Variants in GRIN3B observed in about 807,000 individuals in gnomAD.
The protein encoded by GRIN3B is glutamate receptor ionotropic, NMDA 3B.
A neutral mutation model predicts 66.0 loss-of-function variants in GRIN3B; 77 were observed. The observed-to-expected ratio is 1.17, with a 90% CI of 0.97 to 1.41. The LOEUF (loss-of-function observed/expected upper bound fraction) is 1.41, where lower values mean the gene tolerates loss of function less well. Ranked by LOEUF, GRIN3B falls within the 40% of genes most tolerant of loss-of-function variation. The pLI, the probability that GRIN3B is intolerant of heterozygous loss-of-function variation, is 0.00. For missense variants in GRIN3B, 1,787 were observed against 1,564.5 expected (o/e 1.14, Z -2.40); for synonymous variants, 823 against 749.7 (o/e 1.10, Z -1.60).
intron 1 of GRIN3B, among the ~76,000 whole-genome samples, chr19:1,002,447 C>T (rs1016512373): frequency 1.2e-4 from 16 of 130,730 alleles, no homozygotes; most frequent in Admixed American, 4.1e-4. Context: ...GCCTGGGAGA[C>T]AGAGCAAGAC....
intron 3 of GRIN3B, among the ~76,000 whole-genome samples, chr19:1,006,595 G>A (rs1043558137): frequency 1.3e-5 from 2 of 152,102 alleles, no homozygotes; most frequent in African/African-American, 2.4e-5. Flanking sequence ...GTGAGCCATC[G>A]TGCCCGGCCT....
In GRIN3B at chr19:1,005,852, G is replaced by C. The variant is rs937340691; in HGVS notation, c.2052+299G>C. ...CCCCATCTTTACTAAAAAATACAAAGAATTAGCTGAGCATGGTGGTGGGCA... is the reference window on the plus strand; with the variant it reads ...CCCCATCTTTACTAAAAAATACAAACAATTAGCTGAGCATGGTGGTGGGCA... On this transcript the variant is annotated intron_variant, in intron 3 of 8. Coordinates refer to ENST00000234389, the MANE Select transcript of GRIN3B (RefSeq NM_138690.3). The surrounding 1 kb of genome is among the most constrained non-coding windows in gnomAD (Gnocchi z 5.2). Among the ~76,000 whole-genome samples the C allele has an allele frequency of 6.6e-6, 1 of 151,836 alleles. No homozygotes were observed. The highest frequency in any genetic ancestry group is 2.4e-5 in the African/African-American group (1 of 41,352).
rs757745000 is a variant in GRIN3B, at chr19:1,009,408, C to T, written c.2938C>T (p.Pro980Ser). The change falls in exon 9 of 9, where the codon CCC becomes TCC. Residue 980 changes from proline (P) to serine (S), a missense_variant. Coordinates refer to ENST00000234389, the MANE Select transcript of GRIN3B (RefSeq NM_138690.3). ...PAARPTGAPQ[P>S]GELQELERRI... Reference sequence around the variant, plus strand: ...CGCAAGGCCCACGGGGGCCCCCCAGCCCGGGGAGCTGCAGGAGCTGGAGCG... The same window carrying T: ...CGCAAGGCCCACGGGGGCCCCCCAGTCCGGGGAGCTGCAGGAGCTGGAGCG... 3 of 1,434,074 alleles carry T rather than the reference C, an allele frequency of 2.1e-6. No homozygotes were observed. In the South Asian group the frequency reaches 4.1e-5, roughly 20 times the overall value. The allele number at this position is 1,434,074 out of a possible 1,614,324, so 88.8% of individuals were successfully genotyped here. A position where few individuals can be genotyped will look rare whatever the true frequency, so the allele number is the denominator to read the frequency against.
chr19:1,003,467 GC>G lies in GRIN3B; in HGVS notation c.769del (p.His257ThrfsTer100). ...ARRVLEAVPP[G>X]PHWLLGTPLP... The stretch of plus-strand genomic sequence containing the variant: ...CGGGTGCTGGAGGCCGTACCTCCCG[GC>G]CCCCACTGGCTGTTGGGGACACCAC... On this transcript the variant is annotated frameshift_variant, in exon 2 of 9. Coordinates refer to ENST00000234389, the MANE Select transcript of GRIN3B (RefSeq NM_138690.3). LOFTEE classifies it high-confidence loss of function. The G allele has an allele frequency of 1.3e-6, 2 of 1,537,972 alleles. No individual in the cohort carries two copies. The highest frequency in any genetic ancestry group is 8.7e-7 in the Non-Finnish European group (1 of 1,146,962).
Position 1,009,455 on chromosome 19 carries a change from G to C in GRIN3B, c.2985G>C (p.Glu995Asp). The C allele has an allele frequency of 6.8e-7, 1 of 1,475,440 alleles. No homozygotes were observed. The highest frequency in any genetic ancestry group is 8.9e-7 in the Non-Finnish European group (1 of 1,119,752). 91.4% of individuals were successfully genotyped at this position (1,475,440 alleles called of 1,614,324 possible). ...AGCGCCGCATCGAAGTCGCGCGTGA[G>C]CGGCTCCGCCAGGCCCTGGTGCGGC... ...ELERRIEVARERLRQALVRRG... is the reference protein window; with the variant it reads ...ELERRIEVARDRLRQALVRRG... Residue 995 changes from glutamate (E) to aspartate (D), a missense_variant, in exon 9 of 9, where the codon GAG becomes GAC. By Grantham distance (45) the Glu-to-Asp change is conservative. Coordinates refer to ENST00000234389, the MANE Select transcript of GRIN3B (RefSeq NM_138690.3).
Position 1,005,222 on chromosome 19 carries a change from A to C in GRIN3B, c.1721A>C (p.His574Pro). Residue 574 changes from histidine (H) to proline (P), a missense_variant, in exon 3 of 9, where the codon CAC becomes CCC. His to Pro is a moderately conservative substitution (Grantham distance 77). Coordinates refer to ENST00000234389, the MANE Select transcript of GRIN3B (RefSeq NM_138690.3). The surrounding 1 kb of genome is among the most constrained non-coding windows in gnomAD (Gnocchi z 5.2). ...SPIGAFMWPL[H>P]WSTWLGVFAA... ...ATCGGTGCCTTTATGTGGCCCCTGC[A>C]CTGGTCCACGTGGCTGGGCGTCTTT... 6.2e-7 allele frequency: 1 copy of C among 1,613,366 alleles called. No homozygotes were observed. The highest frequency in any genetic ancestry group is 1.1e-5 in the South Asian group (1 of 91,060).
At position 1,005,056 on chromosome 19, in the gene GRIN3B, G is replaced by GA. The variant is rs772661411; in HGVS notation, c.1556dup (p.Asp519GlufsTer81). The GA allele has an allele frequency of 6.2e-7, 1 of 1,611,568 alleles. No individual in the cohort carries two copies. The highest frequency in any genetic ancestry group is 8.5e-7 in the Non-Finnish European group (1 of 1,179,126). Reference sequence around the variant, plus strand: ...CGGCCGCTGGACCGGCCTGGTCGGGGACCTGCTGGCCGGCCGGGCCCACAT... The same window carrying GA: ...CGGCCGCTGGACCGGCCTGGTCGGGGAACCTGCTGGCCGGCCGGGCCCACAT... On this transcript the variant is annotated frameshift_variant, in exon 3 of 9. Transcript: ENST00000234389. LOFTEE classifies it high-confidence loss of function. This position sits in a 1 kb window ranked among gnomAD's most constrained non-coding sequence, Gnocchi z 5.2.
Position 1,008,702 on chromosome 19 carries a change from G to T in GRIN3B, c.2551G>T (p.Gly851Cys). ...GGGCAGCGCTCTGCTCAGCTCGCTGGGCGAGCACGCCTTCTTCCGCCTGGC... is the reference window on the plus strand; with the variant it reads ...GGGCAGCGCTCTGCTCAGCTCGCTGTGCGAGCACGCCTTCTTCCGCCTGGC... ...GLGSALLSSL[G>C]EHAFFRLALP... The change falls in exon 7 of 9, where the codon GGC (glycine) becomes TGC (cysteine). Residue 851 changes from glycine (G) to cysteine (C), a missense_variant. Transcript: ENST00000234389. 6.2e-7 allele frequency: 1 copy of T among 1,607,858 alleles called. No homozygotes were observed. Among genetic ancestry groups the T allele is most frequent in the Non-Finnish European group, 8.5e-7 (1 of 1,179,592 alleles).
chr19:1,004,801 G>C lies in GRIN3B; in HGVS notation c.1300G>C (p.Asp434His). 1 of 1,612,876 alleles carries C rather than the reference G, an allele frequency of 6.2e-7. No individual in the cohort carries two copies. The highest frequency in any genetic ancestry group is 8.5e-7 in the Non-Finnish European group (1 of 1,179,570). Residue 434 changes from aspartate to histidine, a missense_variant, in exon 3 of 9, where the codon GAC becomes CAC. Coordinates refer to ENST00000234389, the MANE Select transcript of GRIN3B (RefSeq NM_138690.3). Reference protein sequence around the residue: ...EHPFVFARDPDEDGQCPAGQL... With the variant: ...EHPFVFARDPHEDGQCPAGQL... ...CCCATTTGTGTTTGCCCGTGATCCAGACGAAGACGGGCAGTGCCCAGCGGG... is the reference window on the plus strand; with the variant it reads ...CCCATTTGTGTTTGCCCGTGATCCACACGAAGACGGGCAGTGCCCAGCGGG...
chr19:1,007,144 C>T lies in GRIN3B; in HGVS notation c.2053-484C>T, dbSNP rs1045507242. ...GGAGGGGTGAGCAGTGGGCAGTTCC[C>T]TGTGTTGCAGGTGGCGCCCCCCAGG... is the stretch of plus-strand genomic sequence containing the variant. On this transcript the variant is annotated intron_variant, in intron 3 of 8. Coordinates refer to ENST00000234389, the MANE Select transcript of GRIN3B (RefSeq NM_138690.3). This position sits in a 1 kb window ranked among gnomAD's most constrained non-coding sequence, Gnocchi z 4.4. Among the ~76,000 whole-genome samples, 1 of 152,116 alleles carries T rather than the reference C, an allele frequency of 6.6e-6. No homozygotes were observed. The highest frequency in any genetic ancestry group is 1.5e-5 in the Non-Finnish European group (1 of 68,006).
In GRIN3B at chr19:1,000,681, C is replaced by T; in HGVS notation, c.244C>T (p.Arg82Cys). Reference sequence around the variant, plus strand: ...GCTGGTGGTCGCCGCGCCCCCCGCCCGCGACCCCGCCTCGCTGACCCGCGG... The same window carrying T: ...GCTGGTGGTCGCCGCGCCCCCCGCCTGCGACCCCGCCTCGCTGACCCGCGG... ...LELVVAAPPARDPASLTRGLC... is the reference protein window; with the variant it reads ...LELVVAAPPACDPASLTRGLC... The change falls in exon 1 of 9, where the codon CGC becomes TGC. Residue 82 changes from arginine (R) to cysteine (C), a missense_variant. Arg to Cys is a radical substitution (Grantham distance 180). Transcript: ENST00000234389. The T allele has an allele frequency of 4.4e-6, 6 of 1,351,802 alleles. No homozygotes were observed. Among genetic ancestry groups the T allele is most frequent in the Non-Finnish European group, 5.7e-6 (6 of 1,049,630 alleles). 83.7% of individuals were successfully genotyped at this position (1,351,802 alleles called of 1,614,324 possible). A position where few individuals can be genotyped will look rare whatever the true frequency, so the allele number is the denominator to read the frequency against.
At position 1,000,554 on chromosome 19, in the gene GRIN3B, G is replaced by A. The variant is rs1239272792; in HGVS notation, c.117G>A (p.Leu39=). 2.7e-6 allele frequency: 3 copies of A among 1,118,176 alleles called. No homozygotes were observed. The highest frequency in any genetic ancestry group is 3.3e-6 in the Non-Finnish European group (3 of 916,128). The allele number at this position is 1,118,176 out of a possible 1,614,324, so 69.3% of individuals were successfully genotyped here. The part of the protein sequence containing the change: ...VLARLGGSVR[L]GALLPRAPLA... ...CGCGCCTCGGGGGCTCCGTGCGCCT[G>A]GGCGCCCTCCTGCCCCGCGCGCCTC... The change falls in exon 1 of 9, where the codon CTG becomes CTA. Residue 39 remains leucine (L), a synonymous_variant. Transcript: ENST00000234389.
At chr19:1,008,501 C>G in intron 6 of GRIN3B, 117 bp from the exon 7 acceptor site, 7 of 1,261,282 alleles carry the variant, frequency 5.5e-6, no homozygotes, top group Non-Finnish European at 7.6e-6. Context: ...TGCCTCCCAA[C>G]CTGGCTCCAC....
chr19:1,009,178 C>A lies in GRIN3B; in HGVS notation c.2708C>A (p.Pro903His). The A allele has an allele frequency of 6.8e-7, 1 of 1,471,498 alleles. No individual in the cohort carries two copies. The highest frequency in any genetic ancestry group is 1.5e-5 in the African/African-American group (1 of 68,430). 91.2% of individuals were successfully genotyped at this position (1,471,498 alleles called of 1,614,324 possible). ...CAGGCCGGTTCCGTCCCCAGCGGCC[C>A]CGAGGTGGAGCAGCAGCAGCAGCAG... Reference protein sequence around the residue: ...EETAEAEPSGPEVEQQQQQQD... With the variant: ...EETAEAEPSGHEVEQQQQQQD... The change falls in exon 9 of 9, where the codon CCC becomes CAC. Residue 903 changes from proline to histidine, a missense_variant. Physicochemically the swap from Pro to His is moderately conservative, Grantham distance 77 (BLOSUM62 -2). Transcript: ENST00000234389.
chr19:1,008,380 T>C, intron 6 of GRIN3B, 89 bp downstream of exon 6: 2 of 1,228,610 alleles, frequency 1.6e-6, no homozygotes, highest in Non-Finnish European at 1.1e-6. Flanking sequence ...CCAGTGCTCA[T>C]TCCCCAGACG....
At position 1,007,690 on chromosome 19, in the gene GRIN3B, C is replaced by G; in HGVS notation, c.2115C>G (p.Tyr705Ter). Residue 705 changes from tyrosine (Y) to a stop codon, truncating the protein, a stop_gained, in exon 4 of 9, where the codon TAC becomes TAG. Coordinates refer to ENST00000234389, the MANE Select transcript of GRIN3B (RefSeq NM_138690.3). LOFTEE classifies it high-confidence loss of function. The surrounding 1 kb of genome is among the most constrained non-coding windows in gnomAD (Gnocchi z 4.4). ...TGTGGGAGAGCAGCGCCGAGGCGTA[C>G]ATCAAGAAGAGCTTCCCCGACATGC... ...GTVWESSAEAYIKKSFPDMHA... is the reference protein window; with the variant it reads ...GTVWESSAEA 1.3e-6 allele frequency: 2 copies of G among 1,537,418 alleles called. No individual in the cohort carries two copies. Among genetic ancestry groups the G allele is most frequent in the Non-Finnish European group, 1.7e-6 (2 of 1,143,096 alleles).
rs967322220 is a variant in GRIN3B at position 1,005,190 on chromosome 19, C to G, written c.1689C>G (p.Ala563=). The G allele has an allele frequency of 1.2e-6, 2 of 1,613,572 alleles. No homozygotes were observed. Among genetic ancestry groups the G allele is most frequent in the African/African-American group, 2.7e-5 (2 of 75,052 alleles). The change falls in exon 3 of 9, where the codon GCC becomes GCG. Residue 563 remains alanine (A), a synonymous_variant. Coordinates refer to ENST00000234389, the MANE Select transcript of GRIN3B (RefSeq NM_138690.3). This position sits in a 1 kb window ranked among gnomAD's most constrained non-coding sequence, Gnocchi z 5.2. The part of the protein sequence containing the change: ...LGIMVRARDT[A]SPIGAFMWPL... Reference sequence around the variant, plus strand: ...TCATGGTGCGGGCACGGGACACGGCCTCACCCATCGGTGCCTTTATGTGGC... The same window carrying G: ...TCATGGTGCGGGCACGGGACACGGCGTCACCCATCGGTGCCTTTATGTGGC...
chr19:1,006,693 G>A (rs1323565085), intron 3 of GRIN3B, among the ~76,000 whole-genome samples: 1 of 152,172 alleles, frequency 6.6e-6, no homozygotes, highest in African/African-American at 2.4e-5. Context: ...CCCTGGGGGT[G>A]CCTGGCCTGC....
chr19:1,003,366 G>A lies in GRIN3B; in HGVS notation c.663G>A (p.Pro221=), dbSNP rs374377809. The A allele has an allele frequency of 1.2e-4, 186 of 1,573,522 alleles. No homozygotes were observed. The African/African-American group carries it at 1.6e-3, about 13-fold the overall frequency. The change falls in exon 2 of 9, where the codon CCG becomes CCA. Residue 221 remains proline, a synonymous_variant. Transcript: ENST00000234389. The part of the protein sequence containing the change: ...GDAGLRARLA[P]MAAPVGGEAP... ...CAGGACTGCGGGCACGCCTGGCCCC[G>A]ATGGCGGCGCCAGTGGGGGGTGAAG...
Sources: gnomAD v4.1 joint callset for allele counts (sites outside exome capture counted in the v4.1 genomes callset) on GRCh38, gnomAD v4.1.1 for gene constraint, Gnocchi (gnomAD v3.1) non-coding constraint, MANE v1.5 for transcripts, NCBI Gene and HGNC (gene_info 2026-07-23, HGNC 2026-07-21) for gene names.